RNF152: variants seen among roughly 807,000 people sequenced by gnomAD.
The protein encoded by RNF152 is E3 ubiquitin-protein ligase RNF152.
A neutral mutation model predicts 12.7 loss-of-function variants in RNF152; 11 were observed. The ratio of observed to expected loss-of-function variants is 0.86; its 90% CI spans 0.54 to 1.43. The LOEUF (loss-of-function observed/expected upper bound fraction) is 1.43. Ranked by LOEUF, RNF152 falls within the 40% of genes most tolerant of loss-of-function variation. The pLI, the probability that RNF152 is intolerant of heterozygous loss-of-function variation, is 0.00. For synonymous variants in RNF152, 113 were observed against 120.3 expected (o/e 0.94, Z 0.40); for missense variants, 255 against 274.8 (o/e 0.93, Z 0.51).
At chr18:61,820,844 C>T (rs1167412889) in intron 1 of RNF152, among the ~76,000 whole-genome samples, 2 of 152,148 alleles carry the variant, frequency 1.3e-5, no homozygotes, top group African/African-American at 4.8e-5. Flanking sequence ...GAACCTTGGG[C>T]TCAAAGCCTA....
chr18:61,842,120 G>A (rs1042836458), intron 1 of RNF152, among the ~76,000 whole-genome samples: 6 of 152,180 alleles, frequency 3.9e-5, no homozygotes, highest in African/African-American at 7.2e-5. Flanking sequence ...GGGTTCACAT[G>A]TATTTTTACC....
At chr18:61,850,640 T>C (rs1210338498) in intron 1 of RNF152, among the ~76,000 whole-genome samples, 2 of 152,210 alleles carry the variant, frequency 1.3e-5, no homozygotes, top group African/African-American at 4.8e-5. Context: ...AAAAGGAGGC[T>C]TTCAGTTTGG....
chr18:61,820,201 C>T (rs1270023215), intron 1 of RNF152, among the ~76,000 whole-genome samples: 3 of 150,650 alleles, frequency 2.0e-5, no homozygotes, highest in Admixed American at 2.0e-4. Flanking sequence ...TGGTGGCGGA[C>T]GCCTGTAGTC....
Position 61,811,226 on chromosome 18 carries a change from T to C in RNF152, c.*4626A>G, listed in dbSNP as rs561654347. On this transcript the variant is annotated 3_prime_UTR_variant, in exon 2 of 2. Coordinates refer to ENST00000312828, the MANE Select transcript of RNF152 (RefSeq NM_173557.3). ...CTAACCAATTTTGAAACAACATAAGTTTTCAAATAAAGGGATGGGAACTCT... is the reference window on the plus strand; with the variant it reads ...CTAACCAATTTTGAAACAACATAAGCTTTCAAATAAAGGGATGGGAACTCT... 22 of 152,136 alleles carry C rather than the reference T, an allele frequency of 1.4e-4. No homozygotes were observed. In the South Asian group the frequency reaches 4.4e-3, roughly 30 times the overall value. 9.4% of individuals were successfully genotyped at this position (152,136 alleles called of 1,614,324 possible). A position where few individuals can be genotyped will look rare whatever the true frequency, so the allele number is the denominator to read the frequency against.
At chr18:61,880,999 C>T (rs776406398) in intron 1 of RNF152, among the ~76,000 whole-genome samples, 8 of 151,198 alleles carry the variant, frequency 5.3e-5, no homozygotes, top group Non-Finnish European at 1.0e-4. Context: ...CTGCAACCTC[C>T]GCCTCTGGGG....
intron 1 of RNF152, among the ~76,000 whole-genome samples, chr18:61,827,588 G>T (rs1568266451): frequency 6.7e-6 from 1 of 148,318 alleles, no homozygotes; most frequent in Non-Finnish European, 1.5e-5. Context: ...AAGGCCAGTG[G>T]GTTTTATAGA....
intron 1 of RNF152, among the ~76,000 whole-genome samples, chr18:61,842,418 C>T (rs2144673845): frequency 6.6e-6 from 1 of 152,342 alleles, no homozygotes; most frequent in Non-Finnish European, 1.5e-5. Flanking sequence ...CTGGAGGCTG[C>T]TGTCATTGCT....
At chr18:61,856,115 C>G (rs182255642) in intron 1 of RNF152, among the ~76,000 whole-genome samples, 9 of 152,240 alleles carry the variant, frequency 5.9e-5, no homozygotes, top group African/African-American at 2.2e-4. Flanking sequence ...CTTCCAAGTT[C>G]TTTTCCAATT....
At chr18:61,844,408 A>G (rs898579497) in intron 1 of RNF152, among the ~76,000 whole-genome samples, 2 of 152,358 alleles carry the variant, frequency 1.3e-5, no homozygotes, top group East Asian at 3.9e-4. Context: ...TATGAGTAAC[A>G]GACTATTGGA....
At chr18:61,884,612 G>T (rs982790904) in intron 1 of RNF152, among the ~76,000 whole-genome samples, 1 of 152,176 alleles carries the variant, frequency 6.6e-6, no homozygotes, top group Non-Finnish European at 1.5e-5. Flanking sequence ...AGGCTGGAGT[G>T]CAGTGGCACA....
At chr18:61,825,186 G>A (rs991779497) in intron 1 of RNF152, among the ~76,000 whole-genome samples, 2 of 152,134 alleles carry the variant, frequency 1.3e-5, no homozygotes, top group Admixed American at 1.3e-4. Context: ...CGTTGCCATG[G>A]TAAACAAGAG....
In RNF152 at chr18:61,811,920, GCTTCACTGATCATT is replaced by G. The variant is rs1327976883; in HGVS notation, c.*3918_*3931del. ...AGGGGCTTAATAAAGCATTCTTTAA[GCTTCACTGATCATT>G]CCTTGGCCTAAAATCTATAAGCAAC... is the stretch of plus-strand genomic sequence containing the variant. On this transcript the variant is annotated 3_prime_UTR_variant, in exon 2 of 2. Coordinates refer to ENST00000312828, the MANE Select transcript of RNF152 (RefSeq NM_173557.3). 1 of 152,204 alleles carries G rather than the reference GCTTCACTGATCATT, an allele frequency of 6.6e-6. No homozygotes were observed. The highest frequency in any genetic ancestry group is 6.5e-5 in the Admixed American group (1 of 15,278). The allele number at this position is 152,204 out of a possible 1,614,324, so 9.4% of individuals were successfully genotyped here.
In RNF152 at chr18:61,813,009, C is replaced by T. The variant is rs779655958; in HGVS notation, c.*2843G>A. 6.6e-6 allele frequency: 1 copy of T among 152,130 alleles called. No individual in the cohort carries two copies. The highest frequency in any genetic ancestry group is 1.9e-4 in the East Asian group (1 of 5,184). 9.4% of individuals were successfully genotyped at this position (152,130 alleles called of 1,614,324 possible). On this transcript the variant is annotated 3_prime_UTR_variant, in exon 2 of 2. Transcript: ENST00000312828. ...ATATCCCCCCCTTTCTGCAGAATTACAAAACGGACTCATCTACAAAATGAA... is the reference window on the plus strand; with the variant it reads ...ATATCCCCCCCTTTCTGCAGAATTATAAAACGGACTCATCTACAAAATGAA...
intron 1 of RNF152, among the ~76,000 whole-genome samples, chr18:61,879,655 G>T (rs1912371403): frequency 6.6e-6 from 1 of 152,132 alleles, no homozygotes; most frequent in Admixed American, 6.5e-5. Context: ...TAACTAGAGA[G>T]GGAGGATTGT....
Position 61,816,379 on chromosome 18 carries a change from C to T in RNF152, c.85G>A (p.Asp29Asn). 2 of 1,614,168 alleles carry T rather than the reference C, an allele frequency of 1.2e-6. No individual in the cohort carries two copies. The highest frequency in any genetic ancestry group is 8.5e-7 in the Non-Finnish European group (1 of 1,180,022). Residue 29 changes from aspartate to asparagine, a missense_variant, in exon 2 of 2, where the codon GAC (aspartate) becomes AAC (asparagine). By Grantham distance (23) the Asp-to-Asn change is conservative. Coordinates refer to ENST00000312828, the MANE Select transcript of RNF152 (RefSeq NM_173557.3). ...YSPRRRPKLLDCKHTCCSVCL... is the reference protein window; with the variant it reads ...YSPRRRPKLLNCKHTCCSVCL... ...ACTGAACAGCAGGTGTGCTTGCAGT[C>T]CAGCAACTTGGGCCTGCGCCGGGGG... is the stretch of plus-strand genomic sequence containing the variant.
chr18:61,880,871 A>ACT (rs904824060), intron 1 of RNF152, among the ~76,000 whole-genome samples: 2 of 141,226 alleles, frequency 1.4e-5, no homozygotes, highest in Non-Finnish European at 3.1e-5. Context: ...CTCTTTACTC[A>ACT]CTCCTCCTCC....
intron 1 of RNF152, among the ~76,000 whole-genome samples, chr18:61,870,039 C>T (rs535439993): frequency 3.3e-5 from 5 of 152,308 alleles, no homozygotes; most frequent in Admixed American, 6.5e-5. Flanking sequence ...GGCAAGTCAC[C>T]ATATAACTTG....
chr18:61,814,106 C>A lies in RNF152; in HGVS notation c.*1746G>T, dbSNP rs1325907359. The A allele has an allele frequency of 6.6e-6, 1 of 152,162 alleles. No homozygotes were observed. Among genetic ancestry groups the A allele is most frequent in the East Asian group, 1.9e-4 (1 of 5,194 alleles). The allele number at this position is 152,162 out of a possible 1,614,324, so 9.4% of individuals were successfully genotyped here. On this transcript the variant is annotated 3_prime_UTR_variant, in exon 2 of 2. Coordinates refer to ENST00000312828, the MANE Select transcript of RNF152 (RefSeq NM_173557.3). ...AGAGCTCACAATTTTATGTTGAATT[C>A]TCATGCCAATTAGCAGTATTAGCTT...
chr18:61,884,114 C>T (rs773855968), intron 1 of RNF152, among the ~76,000 whole-genome samples: 1 of 152,164 alleles, frequency 6.6e-6, no homozygotes, highest in African/African-American at 2.4e-5. Context: ...AGGACGTTAG[C>T]AACAGCTGCC....
Sources: gnomAD v4.1 joint callset for allele counts (sites outside exome capture counted in the v4.1 genomes callset) on GRCh38, gnomAD v4.1.1 for gene constraint, MANE v1.5 for transcripts, NCBI Gene and HGNC (gene_info 2026-07-23, HGNC 2026-07-21) for gene names.